Variants in DOCK11 observed in about 807,000 individuals in gnomAD.
DOCK11 encodes the protein dedicator of cytokinesis protein 11.
A neutral mutation model predicts 169.1 loss-of-function variants in DOCK11; 70 were observed. The observed-to-expected ratio is 0.41, with a 90% CI of 0.34 to 0.51. The LOEUF (loss-of-function observed/expected upper bound fraction) is 0.51. Ranked by LOEUF, DOCK11 falls within the 20% of genes least tolerant of loss-of-function variation. The pLI is 0.10. For missense variants in DOCK11, 1,166 were observed against 1,538.8 expected (o/e 0.76, Z 4.05); for synonymous variants, 529 against 541.3 (o/e 0.98, Z 0.32).
At chrX:118,539,990 G>T (rs1315163201) in intron 1 of DOCK11, among the ~76,000 whole-genome samples, 1 of 97,842 alleles carries the variant, frequency 1.0e-5, no homozygotes, top group Non-Finnish European at 2.0e-5. Context: ...GGTGGAGGTT[G>T]CAGTGAGCTG....
rs182169899 is a variant in DOCK11 at position 118,685,498 on chromosome X, A to T, written c.6103-190A>T. 7.2e-4 allele frequency: 302 copies of T among 417,269 alleles called. 6 individuals are homozygous for T. In the South Asian group the frequency reaches 0.023, roughly 32 times the overall value. 34.4% of individuals were successfully genotyped at this position (417,269 alleles called of 1,213,427 possible). A position where few individuals can be genotyped will look rare whatever the true frequency, so the allele number is the denominator to read the frequency against. ...TAACTAGATCTTTTCTGCTTTTTTGATATGCTGCCTTTGTAATACAGCTTT... is the reference window on the plus strand; with the variant it reads ...TAACTAGATCTTTTCTGCTTTTTTGTTATGCTGCCTTTGTAATACAGCTTT... On this transcript the variant is annotated intron_variant, in intron 52 of 52. Coordinates refer to ENST00000276202, the MANE Select transcript of DOCK11 (RefSeq NM_144658.4).
chrX:118,510,418 T>C (rs759687019), intron 1 of DOCK11, among the ~76,000 whole-genome samples: 10 of 112,688 alleles, frequency 8.9e-5, no homozygotes, highest in Non-Finnish European at 1.9e-4. Context: ...TAACTAAATG[T>C]CTTTCCCCAC....
chrX:118,554,415 T>G (rs1479732522), intron 6 of DOCK11, among the ~76,000 whole-genome samples: 6 of 110,553 alleles, frequency 5.4e-5, no homozygotes, highest in Admixed American at 2.9e-4. Flanking sequence ...CCAGGCGTCG[T>G]GGTGTGCACC....
At position 118,546,062 on chromosome X, in the gene DOCK11, A is replaced by G. The variant is rs1424307295; in HGVS notation, c.504A>G (p.Lys168=). 4 of 1,206,799 alleles carry G rather than the reference A, an allele frequency of 3.3e-6. No individual in the cohort carries two copies. In the Admixed American group the frequency reaches 8.8e-5, roughly 27 times the overall value. The change falls in exon 6 of 53, where the codon AAA becomes AAG. Residue 168 remains lysine, a synonymous_variant. Coordinates refer to ENST00000276202, the MANE Select transcript of DOCK11 (RefSeq NM_144658.4). ...GTTCTCAGAAGGGTGGTGTGATAAA[A>G]CAAGGCTGGTTGCATAAAGCAAATG... is the stretch of plus-strand genomic sequence containing the variant. ...SLCSQKGGVI[K]QGWLHKANVN...
chrX:118,540,627 T>C (rs2011955393), intron 1 of DOCK11, among the ~76,000 whole-genome samples: 1 of 111,182 alleles, frequency 9.0e-6, no homozygotes, highest in Admixed American at 9.6e-5. Context: ...ACTGAGCTCA[T>C]TGGTCAGAGT....
intron 41 of DOCK11, among the ~76,000 whole-genome samples, chrX:118,650,163 G>C (rs2015913249): frequency 9.0e-6 from 1 of 111,562 alleles, no homozygotes; most frequent in Non-Finnish European, 1.9e-5. Context: ...CACTCAATCT[G>C]ACTGAACCTG....
intron 44 of DOCK11, among the ~76,000 whole-genome samples, chrX:118,660,479 T>C (rs755626906): frequency 1.8e-5 from 2 of 110,860 alleles, no homozygotes; most frequent in East Asian, 5.7e-4. Flanking sequence ...ATTATTATTA[T>C]TTTTTGAGAT....
chrX:118,592,140 A>G (rs1435972509), intron 19 of DOCK11, among the ~76,000 whole-genome samples: 7 of 110,305 alleles, frequency 6.3e-5, no homozygotes, highest in African/African-American at 2.3e-4. Flanking sequence ...TCCTTTGGGT[A>G]TATACCCAGT....
At chrX:118,507,356 C>T (rs1482356456) in intron 1 of DOCK11, among the ~76,000 whole-genome samples, 1 of 97,198 alleles carries the variant, frequency 1.0e-5, no homozygotes, top group Non-Finnish European at 2.1e-5. Flanking sequence ...CTGGGGAATT[C>T]ATTTGTATAA....
intron 1 of DOCK11, among the ~76,000 whole-genome samples, chrX:118,511,129 G>A (rs931024821): frequency 2.7e-5 from 3 of 111,880 alleles, no homozygotes; most frequent in Non-Finnish European, 5.6e-5. Flanking sequence ...AATTGGCCAC[G>A]GCCATATTTC....
At chrX:118,566,542 G>T (rs1442182893) in intron 8 of DOCK11, 32 bp from the exon 9 acceptor site, 2 of 1,186,017 alleles carry the variant, frequency 1.7e-6, no homozygotes, top group Non-Finnish European at 2.3e-6. Flanking sequence ...GGTCTGTATG[G>T]TTTAGAACAT....
chrX:118,652,059 T>C lies in DOCK11; in HGVS notation c.4677T>C (p.Asn1559=). Residue 1559 remains asparagine, a synonymous_variant, in exon 42 of 53, where the codon AAT becomes AAC. Coordinates refer to ENST00000276202, the MANE Select transcript of DOCK11 (RefSeq NM_144658.4). The stretch of plus-strand genomic sequence containing the variant: ...TATTCATTATCAATAATTTTGCAAA[T>C]AGTGACAGACCTATGAAGGTATGTT... ...ESLFIINNFA[N]SDRPMKATAF... The C allele has an allele frequency of 8.5e-7, 1 of 1,171,127 alleles. No individual in the cohort carries two copies. Among genetic ancestry groups the C allele is most frequent in the Non-Finnish European group, 1.2e-6 (1 of 861,861 alleles).
intron 45 of DOCK11, among the ~76,000 whole-genome samples, chrX:118,663,696 T>TTTA (rs2016274422): frequency 1.3e-5 from 1 of 77,189 alleles, no homozygotes; most frequent in Admixed American, 1.6e-4. Context: ...TTTTTTTTTT[T>TTTA]ATGGAGTCTC....
intron 3 of DOCK11, 62 bp from the exon 4 acceptor site, chrX:118,543,448 TA>T: frequency 1.0e-6 from 1 of 967,892 alleles, no homozygotes. Context: ...ACCAGAGTTT[TA>T]AAAAGTGGAT....
chrX:118,515,310 C>T (rs901516124), intron 1 of DOCK11, among the ~76,000 whole-genome samples: 38 of 111,991 alleles, frequency 3.4e-4, no homozygotes, highest in African/African-American at 7.8e-4. Context: ...CTCGGCTTAC[C>T]GCAACCTCCG....
rs1299915301 is a variant in DOCK11 at position 118,648,218 on chromosome X, TATA to T, written c.4399-720_4399-718del. Among the ~76,000 whole-genome samples, 3 of 84,324 alleles carry T rather than the reference TATA, an allele frequency of 3.6e-5. No individual in the cohort carries two copies. In the East Asian group the frequency reaches 9.9e-4, roughly 28 times the overall value. 73.2% of individuals were successfully genotyped at this position (84,324 alleles called of 115,157 possible). On this transcript the variant is annotated intron_variant, in intron 40 of 52. Coordinates refer to ENST00000276202, the MANE Select transcript of DOCK11 (RefSeq NM_144658.4). ...TATAATATATAATATTATAATATTA[TATA>T]ATAATATAATATATATATAAAAGTA...
intron 7 of DOCK11, among the ~76,000 whole-genome samples, chrX:118,563,681 A>G (rs933654517): frequency 1.9e-5 from 2 of 105,886 alleles, no homozygotes; most frequent in Admixed American, 1.0e-4. Flanking sequence ...TCATCTTTTT[A>G]TTTTTATTAT....
intron 19 of DOCK11, among the ~76,000 whole-genome samples, chrX:118,592,389 A>G (rs1037974501): frequency 4.8e-5 from 5 of 105,162 alleles, no homozygotes; most frequent in African/African-American, 1.0e-4. Flanking sequence ...GCCAGTGATG[A>G]TGAGCATTTT....
intron 1 of DOCK11, among the ~76,000 whole-genome samples, chrX:118,522,323 A>T (rs1209077403): frequency 9.0e-6 from 1 of 111,446 alleles, no homozygotes; most frequent in African/African-American, 3.3e-5. Context: ...GTCTAAAAAA[A>T]AAAAGCATGC....
Sources: gnomAD v4.1 joint callset for allele counts (sites outside exome capture counted in the v4.1 genomes callset) on GRCh38, gnomAD v4.1.1 for gene constraint, MANE v1.5 for transcripts, NCBI Gene and HGNC (gene_info 2026-07-23, HGNC 2026-07-21) for gene names.